Variants in COL22A1 observed in about 807,000 individuals in gnomAD.
The protein encoded by COL22A1 is collagen type XXII alpha 1 chain.
In COL22A1, 221 loss-of-function variants were observed where a neutral mutation model predicts 248.9. The ratio of observed to expected loss-of-function variants is 0.89; its 90% CI spans 0.80 to 0.99. The LOEUF (loss-of-function observed/expected upper bound fraction) is 0.99. COL22A1 is among the 50% of genes least tolerant of loss of function. COL22A1 has a pLI of 0.00. For synonymous variants in COL22A1, 891 were observed against 793.4 expected (o/e 1.12, Z -2.07); for missense variants, 2,240 against 2,179.0 (o/e 1.03, Z -0.56).
chr8:138,720,739 C>A lies in COL22A1; in HGVS notation c.2355G>T (p.Arg785=). 4 of 1,613,522 alleles carry A rather than the reference C, an allele frequency of 2.5e-6. No homozygotes were observed. Among genetic ancestry groups the A allele is most frequent in the Non-Finnish European group, 3.4e-6 (4 of 1,179,482 alleles). ...TGGGAAAAAGAGGCAAAGTCCATAC[C>A]CGAAGGCCTGGTTTTCCAGGCAGAC... ...EDGLPGKPGL[R]GEIGEQGLAG... Residue 785 remains arginine, a splice_region_variant and synonymous_variant, in exon 27 of 65, where the codon CGG becomes CGT. Transcript: ENST00000303045.
chr8:138,623,925 A>G (rs1488159877), intron 51 of COL22A1, 140 bp from the exon 52 acceptor site: 9 of 659,362 alleles, frequency 1.4e-5, no homozygotes, highest in Non-Finnish European at 2.1e-5. Context: ...GTCTCAACGG[A>G]CAGAATTGTT....
intron 1 of COL22A1, among the ~76,000 whole-genome samples, chr8:138,884,044 G>C (rs1015761072): frequency 2.0e-5 from 3 of 152,094 alleles, no homozygotes; most frequent in African/African-American, 7.2e-5. Context: ...ATTTCCCACA[G>C]GTTCCAGGTG....
At position 138,878,033 on chromosome 8, in the gene COL22A1, C is replaced by T. The variant is rs1177279995; in HGVS notation, c.375G>A (p.Thr125=). 1 of 1,591,072 alleles carries T rather than the reference C, an allele frequency of 6.3e-7. No individual in the cohort carries two copies. The highest frequency in any genetic ancestry group is 8.6e-7 in the Non-Finnish European group (1 of 1,169,218). The change falls in exon 3 of 65, where the codon ACG becomes ACA. Residue 125 remains threonine, a synonymous_variant. Transcript: ENST00000303045. ...CGGCGTGTGGGGAGAAGCTGCGGGCCGTGATGTAGCGGAGCGCGTCTCCCG... is the reference window on the plus strand; with the variant it reads ...CGGCGTGTGGGGAGAAGCTGCGGGCTGTGATGTAGCGGAGCGCGTCTCCCG... The part of the protein sequence containing the change: ...TNTGDALRYI[T]ARSFSPHAGG...
chr8:138,855,595 T>C (rs1455008435), intron 3 of COL22A1, among the ~76,000 whole-genome samples: 1 of 152,162 alleles, frequency 6.6e-6, no homozygotes, highest in East Asian at 1.9e-4. Context: ...TTCCTTCTAC[T>C]CACAACCCCT....
intron 22 of COL22A1, among the ~76,000 whole-genome samples, chr8:138,747,219 A>G (rs938096402): frequency 6.6e-6 from 1 of 152,250 alleles, no homozygotes; most frequent in Non-Finnish European, 1.5e-5. Context: ...GAGTGTTGGT[A>G]TATAGAAAAG....
chr8:138,722,848 G>GGT (rs1829978596), intron 25 of COL22A1, among the ~76,000 whole-genome samples: 2 of 91,562 alleles, frequency 2.2e-5, no homozygotes, highest in South Asian at 7.2e-4. Flanking sequence ...GTCACATGGG[G>GGT]GCGGGGGGGG....
intron 16 of COL22A1, among the ~76,000 whole-genome samples, chr8:138,770,598 C>T (rs1338605602): frequency 6.6e-6 from 1 of 152,246 alleles, no homozygotes; most frequent in South Asian, 2.1e-4. Flanking sequence ...GGCCAGGCAG[C>T]TGGAAGGGCT....
chr8:138,836,422 C>G (rs946413883), intron 4 of COL22A1, among the ~76,000 whole-genome samples: 3 of 152,256 alleles, frequency 2.0e-5, no homozygotes, highest in African/African-American at 7.2e-5. Context: ...TACTATTAGA[C>G]ATTCACGTCT....
intron 64 of COL22A1, among the ~76,000 whole-genome samples, chr8:138,590,780 T>G (rs1427708579): frequency 6.6e-6 from 1 of 152,216 alleles, no homozygotes; most frequent in Non-Finnish European, 1.5e-5. Flanking sequence ...TATTGCTGCA[T>G]TGCAGAGATC....
intron 35 of COL22A1, among the ~76,000 whole-genome samples, chr8:138,691,798 G>GTA (rs1826951345): frequency 6.8e-6 from 1 of 147,628 alleles, no homozygotes; most frequent in African/African-American, 2.5e-5. Flanking sequence ...GGAGGTGTGT[G>GTA]TGTGTACGTG....
At chr8:138,791,257 G>C (rs1304629399) in intron 12 of COL22A1, among the ~76,000 whole-genome samples, 1 of 152,178 alleles carries the variant, frequency 6.6e-6, no homozygotes, top group Non-Finnish European at 1.5e-5. Flanking sequence ...GGGCGTGCAA[G>C]GAGGAAGAAT....
intron 7 of COL22A1, among the ~76,000 whole-genome samples, chr8:138,817,081 A>G (rs1388150168): frequency 6.6e-6 from 1 of 152,210 alleles, no homozygotes; most frequent in Non-Finnish European, 1.5e-5. Context: ...GAGGAAGTGA[A>G]GGTGCAGACA....
chr8:138,899,578 C>T (rs1438430079), intron 1 of COL22A1, among the ~76,000 whole-genome samples: 2 of 152,036 alleles, frequency 1.3e-5, no homozygotes, highest in Non-Finnish European at 2.9e-5. Flanking sequence ...GTCTGGAGTG[C>T]AGTGGGACAA....
Position 138,751,445 on chromosome 8 carries a change from A to T in COL22A1, c.2085+13T>A, listed in dbSNP as rs773665160. 6.2e-7 allele frequency: 1 copy of T among 1,602,826 alleles called. No homozygotes were observed. Among genetic ancestry groups the T allele is most frequent in the African/African-American group, 1.3e-5 (1 of 74,572 alleles). The stretch of plus-strand genomic sequence containing the variant: ...TGAGCTGAGGAATCACAAAGAAAAG[A>T]GAGTTTACTTACTCGGAGACCTTGC... On this transcript the variant is annotated intron_variant, in intron 22 of 64. Transcript: ENST00000303045.
intron 23 of COL22A1, among the ~76,000 whole-genome samples, chr8:138,726,297 G>C (rs1830301484): frequency 6.6e-6 from 1 of 151,898 alleles, no homozygotes; most frequent in Non-Finnish European, 1.5e-5. Flanking sequence ...TTTGAGACTA[G>C]ACTGGGCAAA....
intron 22 of COL22A1, among the ~76,000 whole-genome samples, chr8:138,746,011 C>CGGGCAGGT (rs879273150): frequency 3.2e-4 from 48 of 152,352 alleles, no homozygotes; most frequent in Middle Eastern, 3.4e-3. Context: ...AGCAGGCAGG[C>CGGGCAGGT]GGGCAGGTGG....
chr8:138,735,307 G>T (rs1209948189), intron 23 of COL22A1, among the ~76,000 whole-genome samples: 7 of 152,178 alleles, frequency 4.6e-5, no homozygotes, highest in Admixed American at 2.6e-4. Context: ...TACTGCAAAT[G>T]CTATATTGCC....
chr8:138,623,461 G>C (rs1819989131), intron 52 of COL22A1, among the ~76,000 whole-genome samples: 1 of 151,968 alleles, frequency 6.6e-6, no homozygotes, highest in Admixed American at 6.6e-5. Context: ...AAAATGTGGA[G>C]CAGGGACAGG....
chr8:138,858,333 T>C (rs915384977), intron 3 of COL22A1, among the ~76,000 whole-genome samples: 2 of 152,178 alleles, frequency 1.3e-5, no homozygotes, highest in Admixed American at 6.5e-5. Context: ...ACGGTCCTAC[T>C]GGAATTTTTT....
Sources: allele counts gnomAD v4.1 joint callset (sites outside exome capture counted in the v4.1 genomes callset), GRCh38; gene constraint gnomAD v4.1.1; transcripts MANE v1.5; gene names NCBI Gene and HGNC (gene_info 2026-07-23, HGNC 2026-07-21).